CPNE7: variants seen among roughly 807,000 people sequenced by gnomAD.
The protein encoded by CPNE7 is copine 7, also known as copine-7.
CPNE7 carries 78 observed loss-of-function variants against 66.5 expected under a neutral mutation model. That is an observed-to-expected ratio of 1.17 (90% confidence interval 0.98 to 1.42). The LOEUF (loss-of-function observed/expected upper bound fraction) is 1.42, where lower values mean the gene tolerates loss of function less well. CPNE7 is among the 40% of genes most tolerant of loss of function. The probability of loss-of-function intolerance (pLI) is 0.00; values close to 1 mark genes in which losing one functional copy is unlikely to be tolerated. For synonymous variants in CPNE7, 468 were observed against 336.7 expected, an observed-to-expected ratio of 1.39 and a Z score of -4.27; for missense variants, 1,012 against 776.6, an observed-to-expected ratio of 1.30 and a Z score of -3.60.
intron 2 of CPNE7, 103 bp downstream of exon 2, chr16:89,577,824 C>T (rs1227740044): frequency 1.3e-4 from 143 of 1,122,774 alleles, no homozygotes; most frequent in Non-Finnish European, 1.8e-4. Context: ...CTGGGGTGGC[C>T]AACCTGGCTC....
intron 13 of CPNE7, 51 bp downstream of exon 13, chr16:89,591,311 T>A (rs2292950): frequency 0.048 from 72,110 of 1,495,382 alleles, 5,834 homozygotes; most frequent in East Asian, 0.41. Flanking sequence ...CGGCTGTGTG[T>A]GCACCAGCGC....
chr16:89,585,804 G>GA lies in CPNE7; in HGVS notation c.780+19_780+20insA. The GA allele has an allele frequency of 6.9e-7, 1 of 1,447,804 alleles. No homozygotes were observed. The highest frequency in any genetic ancestry group is 9.3e-7 in the Non-Finnish European group (1 of 1,077,872). The allele number at this position is 1,447,804 out of a possible 1,614,324, so 89.7% of individuals were successfully genotyped here. On this transcript the variant is annotated intron_variant, in intron 7 of 14. Coordinates refer to ENST00000319518, the MANE Select transcript of CPNE7 (RefSeq NM_153636.3). The stretch of plus-strand genomic sequence containing the variant: ...GGGGCAGGTGAGCAGGACGGGGTAG[G>GA]GGGTCCTCCAGGGAGGGTCAGGTGG...
At chr16:89,576,392 C>T (rs1230987788) in intron 1 of CPNE7, among the ~76,000 whole-genome samples, 2 of 149,150 alleles carry the variant, frequency 1.3e-5, no homozygotes, top group Admixed American at 6.7e-5. Context: ...GCATGAGGCG[C>T]GGGCAGGGGG....
chr16:89,585,231 G>A (rs1275677996), intron 5 of CPNE7, among the ~76,000 whole-genome samples: 1 of 152,236 alleles, frequency 6.6e-6, no homozygotes, highest in African/African-American at 2.4e-5. Flanking sequence ...AGAGGTGGCA[G>A]AAGTTACGAA....
chr16:89,580,762 A>G (rs112021278), intron 2 of CPNE7, among the ~76,000 whole-genome samples: 264 of 117,148 alleles, frequency 2.3e-3, no homozygotes, highest in African/African-American at 7.9e-3. Flanking sequence ...GGAACATCCC[A>G]TCACCCGCTG....
At chr16:89,589,261 A>C (rs769337894) in intron 10 of CPNE7, among the ~76,000 whole-genome samples, 6 of 152,172 alleles carry the variant, frequency 3.9e-5, no homozygotes, top group Non-Finnish European at 7.3e-5. Flanking sequence ...CTTTGTACTC[A>C]AGCCTGGGTG....
At chr16:89,579,496 C>T (rs1002428576) in intron 2 of CPNE7, among the ~76,000 whole-genome samples, 3 of 151,600 alleles carry the variant, frequency 2.0e-5, no homozygotes, top group African/African-American at 7.3e-5. Context: ...TCACCCGTCA[C>T]ACGGAACATC....
chr16:89,586,987 TGGC>T lies in CPNE7; in HGVS notation c.868-55_868-53del, dbSNP rs1222076343. 8 of 1,514,828 alleles carry T rather than the reference TGGC, an allele frequency of 5.3e-6. No individual in the cohort carries two copies. The African/African-American group carries it at 1.1e-4, about 21-fold the overall frequency. 93.8% of individuals were successfully genotyped at this position (1,514,828 alleles called of 1,614,324 possible). On this transcript the variant is annotated intron_variant, in intron 8 of 14. Transcript: ENST00000319518. ...GCGGGAGGCAGGCCTGGATCCCAGC[TGGC>T]ACTGGCCTCAGTGTCCCTGGCGGGG...
rs1329736279 is a variant in CPNE7 at position 89,592,678 on chromosome 16, G to A, written c.1302+1418G>A. On this transcript the variant is annotated intron_variant, in intron 13 of 14. Transcript: ENST00000319518. Reference sequence around the variant, plus strand: ...AGGCTGGTCTTAAACTCCTGACCTTGTGATCCACCCGCCTCGGCCTCCCAA... The same window carrying A: ...AGGCTGGTCTTAAACTCCTGACCTTATGATCCACCCGCCTCGGCCTCCCAA... Among the ~76,000 whole-genome samples, 27 of 148,712 alleles carry A rather than the reference G, an allele frequency of 1.8e-4. No homozygotes were observed. The South Asian group carries it at 5.4e-3, about 30-fold the overall frequency.
intron 10 of CPNE7, 92 bp downstream of exon 10, chr16:89,588,900 A>G (rs2059128291): frequency 6.5e-7 from 1 of 1,533,446 alleles, no homozygotes; most frequent in Admixed American, 1.7e-5. Flanking sequence ...CCTGGTCTCC[A>G]GGTCAGCTAT....
chr16:89,576,037 C>A lies in CPNE7; in HGVS notation c.140C>A (p.Ala47Glu). The change falls in exon 1 of 15, where the codon GCG becomes GAG. Residue 47 changes from alanine (A) to glutamate (E), a missense_variant. Coordinates refer to ENST00000319518, the MANE Select transcript of CPNE7 (RefSeq NM_153636.3). The stretch of plus-strand genomic sequence containing the variant: ...CTCACCAAGTCCGACCCCAGCGTGG[C>A]GTTGCTGCAGCAGGCGCAGGGCCAG... ...DPLTKSDPSV[A>E]LLQQAQGQWV... 7.5e-7 allele frequency: 1 copy of A among 1,328,910 alleles called. No homozygotes were observed. Among genetic ancestry groups the A allele is most frequent in the South Asian group, 1.9e-5 (1 of 51,934 alleles). 82.3% of individuals were successfully genotyped at this position (1,328,910 alleles called of 1,614,324 possible).
At chr16:89,576,118 G>C (rs1238245963) in intron 1 of CPNE7, 47 bp downstream of exon 1, 49 of 1,234,552 alleles carry the variant, frequency 4.0e-5, no homozygotes, top group Non-Finnish European at 4.9e-5. Flanking sequence ...GCCGGGGCTG[G>C]CGCCGAGCTG....
Position 89,596,482 on chromosome 16 carries a change from A to G in CPNE7, c.1540-2A>G, listed in dbSNP as rs1401561854. The stretch of plus-strand genomic sequence containing the variant: ...AGGTAACTGCGTTGTCCCATCCTCC[A>G]GGCATCCCCTGCGGCGCTGGCCAAG... On this transcript the variant is annotated splice_acceptor_variant, in intron 14 of 14. Coordinates refer to ENST00000319518, the MANE Select transcript of CPNE7 (RefSeq NM_153636.3). LOFTEE classifies it high-confidence loss of function. 5 of 1,604,642 alleles carry G rather than the reference A, an allele frequency of 3.1e-6. No homozygotes were observed. The highest frequency in any genetic ancestry group is 4.2e-6 in the Non-Finnish European group (5 of 1,177,782).
rs191434357 is a variant in CPNE7, at chr16:89,581,793, C to T, written c.358-1904C>T. ...CTGAGTAGCTGGGACTACAGGTGTA[C>T]GCCACCAGACCTGGCTACGTTTTGC... On this transcript the variant is annotated intron_variant, in intron 2 of 14. Coordinates refer to ENST00000319518, the MANE Select transcript of CPNE7 (RefSeq NM_153636.3). Among the ~76,000 whole-genome samples the T allele has an allele frequency of 4.6e-5, 7 of 152,260 alleles. No homozygotes were observed. The South Asian group carries it at 6.2e-4, about 14-fold the overall frequency.
chr16:89,588,571 CT>C (rs1220467199), intron 9 of CPNE7, 103 bp from the exon 10 acceptor site: 1 of 1,479,544 alleles, frequency 6.8e-7, no homozygotes, highest in African/African-American at 1.4e-5. Flanking sequence ...TACGCGACCC[CT>C]GACCCTGAGT....
chr16:89,580,494 C>A, intron 2 of CPNE7, among the ~76,000 whole-genome samples: 1 of 138,746 alleles, frequency 7.2e-6, no homozygotes, highest in African/African-American at 2.6e-5. Flanking sequence ...CCGTCACCCG[C>A]TGACACAGAA....
intron 8 of CPNE7, 127 bp from the exon 9 acceptor site, chr16:89,586,902 TGGGGAGAGAGGATG>T: frequency 9.2e-7 from 1 of 1,092,124 alleles, no homozygotes; most frequent in South Asian, 1.3e-5. Context: ...AGGGCGAGGT[TGGGGAGAGAGGATG>T]GGGGAGAGGA....
intron 2 of CPNE7, chr16:89,583,411 C>T: frequency 6.5e-7 from 1 of 1,543,334 alleles, no homozygotes. Flanking sequence ...TTCCTGGCTT[C>T]CACCTGAGCC....
chr16:89,577,409 C>A, intron 1 of CPNE7, 130 bp from the exon 2 acceptor site: 2 of 908,212 alleles, frequency 2.2e-6, no homozygotes, highest in Non-Finnish European at 3.3e-6. Context: ...AGAGAGCAGG[C>A]AGGAGGTCTT....
Sources: allele counts gnomAD v4.1 joint callset (sites outside exome capture counted in the v4.1 genomes callset), GRCh38; gene constraint gnomAD v4.1.1; transcripts MANE v1.5; gene names NCBI Gene and HGNC (gene_info 2026-07-23, HGNC 2026-07-21).